NR3C2: variants seen among roughly 807,000 people sequenced by gnomAD.
NR3C2 encodes nuclear receptor subfamily 3 group C member 2, also known as mineralocorticoid receptor.
In NR3C2, 15 loss-of-function variants were observed where a neutral mutation model predicts 86.4. That is an observed-to-expected ratio of 0.17 (90% CI 0.12 to 0.27). The LOEUF (loss-of-function observed/expected upper bound fraction) is 0.27, where lower values mean the gene tolerates loss of function less well. NR3C2 is among the 10% of genes least tolerant of loss of function. NR3C2 has a pLI of 1.00. For missense variants in NR3C2, 960 were observed against 1,195.6 expected (o/e 0.80, Z 2.91); for synonymous variants, 458 against 450.5 (o/e 1.02, Z -0.21).
chr4:148,094,842 T>G (rs1490371065), intron 8 of NR3C2, among the ~76,000 whole-genome samples: 1 of 151,552 alleles, frequency 6.6e-6, no homozygotes, highest in Non-Finnish European at 1.5e-5. Context: ...AAATGTGGCA[T>G]ACACAGAGAG....
Position 148,436,665 on chromosome 4 carries a change from C to G in NR3C2, c.196G>C (p.Glu66Gln). Residue 66 changes from glutamate (E) to glutamine (Q), a missense_variant, in exon 2 of 9, where the codon GAA (glutamate) becomes CAA (glutamine). By Grantham distance (29) the Glu-to-Gln change is conservative. Around this residue, in one of 4 missense-constraint regions of NR3C2, gnomAD observed 680 missense variants for 719.0 expected, o/e 0.95. Coordinates refer to ENST00000358102, the MANE Select transcript of NR3C2 (RefSeq NM_000901.5). ...PNNSTQGSSK[E>Q]KQELLPCLQQ... ...AGGCAAGGGAGTAGTTCTTGTTTTT[C>G]TTTGCTGCTTCCTTGAGTACTGTTG... The G allele has an allele frequency of 2.5e-6, 4 of 1,614,162 alleles. 1 individual carries two copies. Among genetic ancestry groups the G allele is most frequent in the South Asian group, 1.1e-5 (1 of 91,084 alleles).
At chr4:148,221,031 A>G (rs1347031627) in intron 3 of NR3C2, among the ~76,000 whole-genome samples, 2 of 151,564 alleles carry the variant, frequency 1.3e-5, no homozygotes, top group African/African-American at 2.4e-5. Context: ...TACCAAGAAT[A>G]TCTGGGGGTG....
chr4:148,445,220 C>T (rs1750520713), upstream of NR3C2, among the ~76,000 whole-genome samples: 1 of 152,020 alleles, frequency 6.6e-6, no homozygotes, highest in Non-Finnish European at 1.5e-5. Context: ...GCTTCAGGTG[C>T]AGTTCCCACC....
At chr4:148,098,410 C>T (rs575925096) in intron 8 of NR3C2, among the ~76,000 whole-genome samples, 19 of 152,226 alleles carry the variant, frequency 1.2e-4, no homozygotes, top group African/African-American at 4.3e-4. Context: ...ACATAGACAG[C>T]ACTGGGGCTC....
At chr4:148,210,885 C>T (rs1737249832) in intron 3 of NR3C2, among the ~76,000 whole-genome samples, 2 of 152,194 alleles carry the variant, frequency 1.3e-5, no homozygotes, top group Admixed American at 1.3e-4. Flanking sequence ...AAGTTTCTTC[C>T]CTCATCTGTA....
chr4:148,144,575 T>C (rs2149756884), intron 6 of NR3C2, among the ~76,000 whole-genome samples: 1 of 152,306 alleles, frequency 6.6e-6, no homozygotes, highest in East Asian at 1.9e-4. Context: ...TAAAAAGAAG[T>C]AGGGGAAAGG....
intron 2 of NR3C2, among the ~76,000 whole-genome samples, chr4:148,419,929 C>T (rs61758351): frequency 0.15 from 22,892 of 152,124 alleles, 2,168 homozygotes; most frequent in African/African-American, 0.26. Context: ...TAATCAATGA[C>T]TGTATGATCA....
chr4:148,151,402 T>C (rs1380972686), intron 6 of NR3C2, among the ~76,000 whole-genome samples: 1 of 152,216 alleles, frequency 6.6e-6, no homozygotes. Flanking sequence ...AAGTCAGTTG[T>C]TTGGCCTTAC....
chr4:148,240,536 G>T (rs1266631402), intron 3 of NR3C2, among the ~76,000 whole-genome samples: 1 of 152,086 alleles, frequency 6.6e-6, no homozygotes, highest in Non-Finnish European at 1.5e-5. Context: ...ATTGCTAGGA[G>T]ATGCTAGTTT....
rs186301737 is a variant in NR3C2 at position 148,269,130 on chromosome 4, A to G, written c.1758-9013T>C. On this transcript the variant is annotated intron_variant, in intron 2 of 8. Transcript: ENST00000358102. ...GAAGGGTAGAGAAGATCCTAGATAG[A>G]AATCTACAAAAAAACCAACATTTCC... 2.6e-5 allele frequency among the ~76,000 whole-genome samples: 4 copies of G among 152,326 alleles called. No individual in the cohort carries two copies. In the East Asian group the frequency reaches 7.7e-4, roughly 29 times the overall value.
At chr4:148,331,438 T>C (rs1216425781) in intron 2 of NR3C2, among the ~76,000 whole-genome samples, 2 of 152,168 alleles carry the variant, frequency 1.3e-5, no homozygotes, top group African/African-American at 4.8e-5. Flanking sequence ...AAATATTACA[T>C]TTAATGGCCA....
chr4:148,423,045 A>G (rs986957408), intron 2 of NR3C2, among the ~76,000 whole-genome samples: 1 of 152,092 alleles, frequency 6.6e-6, no homozygotes, highest in Non-Finnish European at 1.5e-5. Context: ...CCTGTATTCA[A>G]TGATTTCTTC....
chr4:148,190,141 G>A (rs1736127707), intron 4 of NR3C2, among the ~76,000 whole-genome samples: 1 of 152,016 alleles, frequency 6.6e-6, no homozygotes, highest in African/African-American at 2.4e-5. Context: ...GATTGTTTGT[G>A]TTCTTTCAGA....
chr4:148,419,371 T>C (rs1473219295), intron 2 of NR3C2, among the ~76,000 whole-genome samples: 1 of 152,206 alleles, frequency 6.6e-6, no homozygotes, highest in Admixed American at 6.5e-5. Context: ...TCTGAAGCTA[T>C]AAGCAAAATT....
At chr4:148,190,091 G>C (rs1279209890) in intron 4 of NR3C2, among the ~76,000 whole-genome samples, 2 of 151,986 alleles carry the variant, frequency 1.3e-5, no homozygotes, top group African/African-American at 4.8e-5. Flanking sequence ...TTTGGGTTTG[G>C]TTTGTTCTTG....
chr4:148,162,960 G>A (rs916073721), intron 4 of NR3C2, among the ~76,000 whole-genome samples: 1 of 152,124 alleles, frequency 6.6e-6, no homozygotes, highest in African/African-American at 2.4e-5. Context: ...AAAAGACTGC[G>A]GTTGACTTAT....
intron 4 of NR3C2, among the ~76,000 whole-genome samples, chr4:148,157,253 T>C (rs1022889264): frequency 6.6e-6 from 1 of 151,506 alleles, no homozygotes; most frequent in Non-Finnish European, 1.5e-5. Context: ...CATGTATACA[T>C]ATGTAACTAA....
chr4:148,336,662 A>G (rs13133240), intron 2 of NR3C2, among the ~76,000 whole-genome samples: 98,966 of 151,148 alleles, frequency 0.65, 33,741 homozygotes, highest in Non-Finnish European at 0.75. Flanking sequence ...ACCTGACAGA[A>G]CAGAGTTTTC....
At chr4:148,220,157 G>A (rs1737761885) in intron 3 of NR3C2, among the ~76,000 whole-genome samples, 1 of 151,866 alleles carries the variant, frequency 6.6e-6, no homozygotes, top group Non-Finnish European at 1.5e-5. Context: ...TGCAATCATT[G>A]CTCACTGCAG....
Sources: allele counts gnomAD v4.1 joint callset (sites outside exome capture counted in the v4.1 genomes callset), GRCh38; gene constraint gnomAD v4.1.1; regional missense constraint gnomAD v4.1.1; transcripts MANE v1.5; gene names NCBI Gene and HGNC (gene_info 2026-07-23, HGNC 2026-07-21).